Variants in SGCZ observed in about 807,000 individuals in gnomAD.
SGCZ encodes the protein sarcoglycan zeta, also known as zeta-sarcoglycan.
SGCZ carries 40 observed loss-of-function variants against 41.3 expected under a neutral mutation model. The ratio of observed to expected loss-of-function variants is 0.97; its 90% CI spans 0.75 to 1.26. The LOEUF is 1.26. SGCZ is among the 50% of genes most tolerant of loss of function. The pLI is 0.00. For synonymous variants in SGCZ, 206 were observed against 137.5 expected, an observed-to-expected ratio of 1.50 and a Z score of -3.49; for missense variants, 552 against 369.8, an observed-to-expected ratio of 1.49 and a Z score of -4.04.
chr8:15,054,218 T>A (rs1490076028), intron 1 of SGCZ, among the ~76,000 whole-genome samples: 1 of 152,222 alleles, frequency 6.6e-6, no homozygotes, highest in Non-Finnish European at 1.5e-5. Context: ...CAAAATCATC[T>A]CAACATTAAT....
chr8:14,260,397 A>C (rs1291349435), intron 3 of SGCZ, among the ~76,000 whole-genome samples: 3 of 145,518 alleles, frequency 2.1e-5, no homozygotes, highest in Non-Finnish European at 3.1e-5. Context: ...CCACAATGAG[A>C]TACCATCTCA....
At chr8:14,439,512 A>C (rs1374904154) in intron 2 of SGCZ, among the ~76,000 whole-genome samples, 2 of 151,836 alleles carry the variant, frequency 1.3e-5, no homozygotes, top group Non-Finnish European at 2.9e-5. Context: ...ATTCCTCATA[A>C]GTACAGACCC....
chr8:14,130,883 A>G (rs1262660252), intron 5 of SGCZ, among the ~76,000 whole-genome samples: 1 of 152,200 alleles, frequency 6.6e-6, no homozygotes, highest in Non-Finnish European at 1.5e-5. Flanking sequence ...CCAGCCAGGT[A>G]GAGAATCCAG....
chr8:14,579,072 A>G (rs531707025), intron 1 of SGCZ, among the ~76,000 whole-genome samples: 1 of 152,274 alleles, frequency 6.6e-6, no homozygotes, highest in Non-Finnish European at 1.5e-5. Flanking sequence ...GTAAGCTCAA[A>G]GTAAATGTTT....
intron 1 of SGCZ, among the ~76,000 whole-genome samples, chr8:14,839,251 G>GA (rs904818300): frequency 6.6e-6 from 1 of 151,798 alleles, no homozygotes; most frequent in Non-Finnish European, 1.5e-5. Context: ...GAAAGAGAGA[G>GA]AAAAAAATAT....
chr8:14,453,209 T>C (rs1282366984), intron 2 of SGCZ, among the ~76,000 whole-genome samples: 2 of 152,188 alleles, frequency 1.3e-5, no homozygotes, highest in South Asian at 2.1e-4. Flanking sequence ...TTAAAGATGG[T>C]TTGTAAACAT....
intron 1 of SGCZ, among the ~76,000 whole-genome samples, chr8:14,917,903 G>C (rs746947668): frequency 6.6e-6 from 1 of 152,078 alleles, no homozygotes; most frequent in African/African-American, 2.4e-5. Flanking sequence ...CTTTCAGACT[G>C]TTTTCAGTTA....
At chr8:14,896,937 A>G (rs1805223023) in intron 1 of SGCZ, among the ~76,000 whole-genome samples, 1 of 151,858 alleles carries the variant, frequency 6.6e-6, no homozygotes, top group Non-Finnish European at 1.5e-5. Context: ...GAGCGCCACC[A>G]GGCCCAACTA....
intron 2 of SGCZ, among the ~76,000 whole-genome samples, chr8:14,441,072 C>G (rs770492014): frequency 6.6e-6 from 1 of 152,100 alleles, no homozygotes; most frequent in African/African-American, 2.4e-5. Flanking sequence ...CAGGGGTGCA[C>G]TGATACAGGA....
intron 3 of SGCZ, among the ~76,000 whole-genome samples, chr8:14,246,070 C>T (rs997945914): frequency 8.5e-5 from 13 of 152,128 alleles, no homozygotes; most frequent in Non-Finnish European, 1.3e-4. Flanking sequence ...CTAGAAATAC[C>T]ATTTGACCCA....
intron 1 of SGCZ, among the ~76,000 whole-genome samples, chr8:15,085,782 G>A (rs900475670): frequency 6.6e-6 from 1 of 151,964 alleles, no homozygotes; most frequent in African/African-American, 2.4e-5. Context: ...TTCTGACAAG[G>A]GACTCCTGTC....
chr8:14,448,413 A>G (rs1452583404), intron 2 of SGCZ, among the ~76,000 whole-genome samples: 1 of 152,206 alleles, frequency 6.6e-6, no homozygotes, highest in Non-Finnish European at 1.5e-5. Context: ...CAGTTAGATA[A>G]TACAAGCCAC....
chr8:15,209,241 T>C (rs1484101922), intron 1 of SGCZ, among the ~76,000 whole-genome samples: 1 of 152,096 alleles, frequency 6.6e-6, no homozygotes, highest in East Asian at 1.9e-4. Context: ...GCAGGAAATA[T>C]AAAATCCTTG....
At chr8:15,093,567 C>T (rs891171149) in intron 1 of SGCZ, among the ~76,000 whole-genome samples, 19 of 152,018 alleles carry the variant, frequency 1.2e-4, no homozygotes, top group African/African-American at 4.3e-4. Flanking sequence ...AAAACAAAGT[C>T]ATGTAGTGTA....
intron 1 of SGCZ, among the ~76,000 whole-genome samples, chr8:14,997,344 T>C (rs1188516411): frequency 6.6e-6 from 1 of 152,234 alleles, no homozygotes; most frequent in Non-Finnish European, 1.5e-5. Flanking sequence ...TTTCCTTCTT[T>C]ATTCTTTTAT....
intron 1 of SGCZ, among the ~76,000 whole-genome samples, chr8:14,719,575 G>A (rs2130176793): frequency 6.6e-6 from 1 of 152,080 alleles, no homozygotes; most frequent in Middle Eastern, 3.4e-3. Flanking sequence ...ATCTCATTGT[G>A]GTTTTGATTT....
intron 1 of SGCZ, among the ~76,000 whole-genome samples, chr8:14,990,294 C>T (rs537225145): frequency 1.3e-5 from 2 of 152,238 alleles, no homozygotes; most frequent in South Asian, 4.1e-4. Flanking sequence ...TACCACATCC[C>T]TTTTAAAAAG....
chr8:14,675,458 T>C (rs142225512), intron 1 of SGCZ, among the ~76,000 whole-genome samples: 2 of 152,306 alleles, frequency 1.3e-5, no homozygotes, highest in East Asian at 3.9e-4. Flanking sequence ...AGAAGCTCTA[T>C]ACATTAAAAT....
At chr8:14,573,171 C>A (rs1483592161) in intron 1 of SGCZ, among the ~76,000 whole-genome samples, 1 of 150,334 alleles carries the variant, frequency 6.7e-6, no homozygotes, top group African/African-American at 2.5e-5. Context: ...AATTTGCCTC[C>A]AAGCTTTCTT....
Sources: gnomAD v4.1 joint callset for allele counts (sites outside exome capture counted in the v4.1 genomes callset) on GRCh38, gnomAD v4.1.1 for gene constraint, MANE v1.5 for transcripts, NCBI Gene and HGNC (gene_info 2026-07-23, HGNC 2026-07-21) for gene names.